RPN2: variants seen among roughly 807,000 people sequenced by gnomAD.
The protein encoded by RPN2 is ribophorin II.
A neutral mutation model predicts 71.4 loss-of-function variants in RPN2; 29 were observed. That is an observed-to-expected ratio of 0.41 (90% CI 0.30 to 0.55). RPN2 has a LOEUF of 0.55. Among genes scored for constraint, RPN2 ranks in the 20% least tolerant of loss-of-function variants. The pLI, the probability that RPN2 is intolerant of heterozygous loss-of-function variation, is 0.35. For synonymous variants in RPN2, 308 were observed against 305.0 expected (o/e 1.01, Z -0.10); for missense variants, 726 against 774.1 (o/e 0.94, Z 0.74).
At chr20:37,197,512 GT>G (rs1233511477) in intron 2 of RPN2, among the ~76,000 whole-genome samples, 6 of 152,220 alleles carry the variant, frequency 3.9e-5, no homozygotes, top group African/African-American at 1.2e-4. Flanking sequence ...TGGTTCCCAT[GT>G]TTCTGGTTTG....
chr20:37,179,658 C>G (rs1205212048), intron 1 of RPN2: 10 of 517,152 alleles, frequency 1.9e-5, no homozygotes, highest in South Asian at 4.6e-5. Flanking sequence ...TAGGTCTGGC[C>G]TCATTCATTT....
At chr20:37,197,019 A>G (rs2067270413) in intron 2 of RPN2, among the ~76,000 whole-genome samples, 1 of 152,174 alleles carries the variant, frequency 6.6e-6, no homozygotes, top group South Asian at 2.1e-4. Context: ...AGTTGAAGAT[A>G]GGACCTGGTT....
At chr20:37,179,480 T>G (rs904737400) in intron 1 of RPN2, 111 bp downstream of exon 1, 1 of 1,374,940 alleles carries the variant, frequency 7.3e-7, no homozygotes, top group Non-Finnish European at 9.5e-7. Context: ...GACAGGGGCA[T>G]GGGCACAAGC....
intron 1 of RPN2, among the ~76,000 whole-genome samples, chr20:37,183,296 C>T (rs1466884575): frequency 1.3e-5 from 2 of 151,762 alleles, no homozygotes; most frequent in Non-Finnish European, 2.9e-5. Flanking sequence ...CTCTCTGCAA[C>T]CTCTTGTCTC....
At chr20:37,218,876 T>C (rs1425525430) in intron 9 of RPN2, among the ~76,000 whole-genome samples, 1 of 152,232 alleles carries the variant, frequency 6.6e-6, no homozygotes, top group Admixed American at 6.5e-5. Flanking sequence ...TATGGCAAAA[T>C]AATATTCCAT....
intron 13 of RPN2, among the ~76,000 whole-genome samples, 188 bp from the exon 14 acceptor site, chr20:37,232,108 C>T (rs1353879352): frequency 4.6e-5 from 7 of 152,186 alleles, no homozygotes; most frequent in African/African-American, 1.7e-4. Flanking sequence ...GGAAGGGAGA[C>T]CTCTGGGATC....
In RPN2 at chr20:37,213,705, A is replaced by G. The variant is rs913458112; in HGVS notation, c.987-55A>G. 9.8e-6 allele frequency: 13 copies of G among 1,330,112 alleles called. No homozygotes were observed. In the East Asian group the frequency reaches 3.0e-4, roughly 31 times the overall value. The allele number at this position is 1,330,112 out of a possible 1,614,324, so 82.4% of individuals were successfully genotyped here. A position where few individuals can be genotyped will look rare whatever the true frequency, so the allele number is the denominator to read the frequency against. ...AGACATTTTGTAGCTCCTGTTTGTT[A>G]TATCCATGACTTTCCTACCTGAGTT... is the stretch of plus-strand genomic sequence containing the variant. On this transcript the variant is annotated intron_variant, in intron 8 of 16. Transcript: ENST00000237530.
At chr20:37,227,278 T>C (rs897295032) in intron 11 of RPN2, among the ~76,000 whole-genome samples, 2 of 152,234 alleles carry the variant, frequency 1.3e-5, no homozygotes, top group Non-Finnish European at 2.9e-5. Context: ...AGTAAAAGAC[T>C]AAACTAGTAG....
intron 14 of RPN2, 33 bp from the exon 15 acceptor site, chr20:37,233,987 T>G: frequency 6.2e-7 from 1 of 1,611,632 alleles, no homozygotes; most frequent in Non-Finnish European, 8.5e-7. Context: ...TAAGTTCTAA[T>G]GCCTTTTTAA....
chr20:37,199,220 G>A lies in RPN2; in HGVS notation c.474G>A (p.Val158=). 6.2e-7 allele frequency: 1 copy of A among 1,613,724 alleles called. No individual in the cohort carries two copies. Among genetic ancestry groups the A allele is most frequent in the Non-Finnish European group, 8.5e-7 (1 of 1,180,036 alleles). The change falls in exon 4 of 17, where the codon GTG becomes GTA. Residue 158 remains valine (V), a synonymous_variant. Coordinates refer to ENST00000237530, the MANE Select transcript of RPN2 (RefSeq NM_002951.5). ...CTCGTCTCAGCAAGGAGGAGACTGT[G>A]CTGGCGTGAGTTGTCATCTCGAGCA... ...LTARLSKEET[V]LATVQALQTA...
intron 13 of RPN2, among the ~76,000 whole-genome samples, chr20:37,231,626 C>A (rs2068249796): frequency 1.3e-5 from 2 of 151,366 alleles, no homozygotes; most frequent in South Asian, 4.2e-4. Context: ...GCAGGAGGAT[C>A]TTTTGAGCCC....
At chr20:37,187,031 G>A (rs980033268) in intron 2 of RPN2, among the ~76,000 whole-genome samples, 3 of 152,078 alleles carry the variant, frequency 2.0e-5, no homozygotes, top group African/African-American at 4.8e-5. Context: ...CATAATATCT[G>A]GTTATTTCAC....
At chr20:37,182,321 T>A (rs1280034508) in intron 1 of RPN2, among the ~76,000 whole-genome samples, 1 of 152,086 alleles carries the variant, frequency 6.6e-6, no homozygotes, top group Non-Finnish European at 1.5e-5. Context: ...CTTGAACTCC[T>A]GACTTCAAGT....
chr20:37,228,789 C>T, intron 12 of RPN2, 45 bp downstream of exon 12: 1 of 1,589,648 alleles, frequency 6.3e-7, no homozygotes, highest in Non-Finnish European at 8.6e-7. Flanking sequence ...GTGGCTGTGC[C>T]CCAGGCACTG....
intron 2 of RPN2, among the ~76,000 whole-genome samples, chr20:37,192,239 G>C (rs1198663100): frequency 6.6e-6 from 1 of 152,176 alleles, no homozygotes; most frequent in African/African-American, 2.4e-5. Context: ...TTTGTTTGTG[G>C]GTCAGGCACT....
intron 8 of RPN2, among the ~76,000 whole-genome samples, chr20:37,213,469 G>C (rs2067726346): frequency 6.6e-6 from 1 of 152,120 alleles, no homozygotes; most frequent in South Asian, 2.1e-4. Flanking sequence ...CATGCCTGCT[G>C]TCCCAACTAC....
At chr20:37,198,650 A>C (rs941621486) in intron 3 of RPN2, among the ~76,000 whole-genome samples, 158 bp downstream of exon 3, 1 of 151,804 alleles carries the variant, frequency 6.6e-6, no homozygotes, top group Non-Finnish European at 1.5e-5. Flanking sequence ...AAGAAAGTAT[A>C]GTTTATGTTT....
chr20:37,199,368 C>CT, intron 4 of RPN2, 143 bp downstream of exon 4: 1 of 1,042,116 alleles, frequency 9.6e-7, no homozygotes, highest in Non-Finnish European at 1.4e-6. Context: ...TGCAAGGCAC[C>CT]GCAGACATGA....
At chr20:37,196,246 T>C (rs1394477449) in intron 2 of RPN2, among the ~76,000 whole-genome samples, 1 of 146,906 alleles carries the variant, frequency 6.8e-6, no homozygotes, top group Non-Finnish European at 1.5e-5. Context: ...TTTTTTTTTT[T>C]GAGACGGAGT....
Sources: allele counts gnomAD v4.1 joint callset (sites outside exome capture counted in the v4.1 genomes callset), GRCh38; gene constraint gnomAD v4.1.1; transcripts MANE v1.5; gene names NCBI Gene and HGNC (gene_info 2026-07-23, HGNC 2026-07-21).